DCLRE1C: variants seen among roughly 807,000 people sequenced by gnomAD.
DCLRE1C encodes protein artemis.
DCLRE1C carries 47 observed loss-of-function variants against 61.4 expected under a neutral mutation model. That is an observed-to-expected ratio of 0.77 (90% CI 0.61 to 0.98). The LOEUF (loss-of-function observed/expected upper bound fraction) is 0.98, where lower values mean the gene tolerates loss of function less well. DCLRE1C is among the 50% of genes least tolerant of loss of function. The probability of loss-of-function intolerance (pLI) is 0.00; values close to 1 mark genes in which losing one functional copy is unlikely to be tolerated. For synonymous variants in DCLRE1C, 337 were observed against 287.6 expected (o/e 1.17, Z -1.74); for missense variants, 858 against 816.0 (o/e 1.05, Z -0.63).
chr10:14,899,093 G>A, exon 14 of DCLRE1C: 1 of 623,082 alleles, frequency 1.6e-6, no homozygotes, highest in East Asian at 2.7e-5. Flanking sequence ...GTCAAGGCTG[G>A]AGGCTCACTT....
At chr10:14,933,547 G>T (rs1303033468) in intron 8 of DCLRE1C, among the ~76,000 whole-genome samples, 11 of 151,966 alleles carry the variant, frequency 7.2e-5, no homozygotes, top group Admixed American at 2.6e-4. Context: ...TGAGGCAAGA[G>T]AATCACTTGA....
chr10:14,948,960 GTATA>G lies in DCLRE1C; in HGVS notation c.161+72_161+75del, dbSNP rs1842074860. The G allele has an allele frequency of 1.0e-5, 10 of 993,056 alleles. 1 individual carries two copies. The South Asian group carries it at 1.3e-4, about 13-fold the overall frequency. The allele number at this position is 993,056 out of a possible 1,614,324, so 61.5% of individuals were successfully genotyped here. On this transcript the variant is annotated intron_variant, in intron 2 of 13. Coordinates refer to ENST00000378278, the MANE Select transcript of DCLRE1C (RefSeq NM_001033855.3). ...TTTGTAAATGACTATATGCTTGGATGTATATACTTTTCTGTACAGTTGTTATCTC... is the reference window on the plus strand; with the variant it reads ...TTTGTAAATGACTATATGCTTGGATGTACTTTTCTGTACAGTTGTTATCTC...
chr10:14,935,698 T>C, intron 5 of DCLRE1C, 134 bp from the exon 6 acceptor site: 1 of 923,594 alleles, frequency 1.1e-6, no homozygotes, highest in Non-Finnish European at 1.7e-6. Flanking sequence ...AATTCCACAG[T>C]AATTTGAACC....
chr10:14,937,893 C>CAAAAAAA (rs749452841), intron 4 of DCLRE1C, among the ~76,000 whole-genome samples: 1 of 40,630 alleles, frequency 2.5e-5, no homozygotes, highest in Non-Finnish European at 5.2e-5. Flanking sequence ...GGCTCAGTCT[C>CAAAAAAA]AAAAAAAAAA....
downstream of DCLRE1C, chr10:14,901,212 C>T (rs778103334): frequency 3.1e-6 from 5 of 1,613,898 alleles, no homozygotes; most frequent in African/African-American, 6.7e-5. Flanking sequence ...TTGTTTTCCA[C>T]AAGAACCATA....
At chr10:14,920,976 C>G (rs1434068256) in intron 12 of DCLRE1C, among the ~76,000 whole-genome samples, 3 of 149,216 alleles carry the variant, frequency 2.0e-5, no homozygotes, top group African/African-American at 7.4e-5. Context: ...GAGCCAGACT[C>G]TGTCTCAAAA....
chr10:14,901,000 C>T (rs146661614), downstream of DCLRE1C: 1,317 of 1,212,004 alleles, frequency 1.1e-3, 1 homozygote, highest in Non-Finnish European at 1.4e-3. Flanking sequence ...CCTCAAAGAC[C>T]TCTAAGCAAT....
chr10:14,944,369 G>C (rs558237525), intron 3 of DCLRE1C, among the ~76,000 whole-genome samples: 1 of 152,082 alleles, frequency 6.6e-6, no homozygotes, highest in South Asian at 2.1e-4. Flanking sequence ...TATGGTGGTG[G>C]GATTCTGTAG....
intron 13 of DCLRE1C, among the ~76,000 whole-genome samples, chr10:14,917,827 A>G (rs969671201): frequency 1.3e-5 from 2 of 152,092 alleles, no homozygotes. Flanking sequence ...AACAAAACAA[A>G]CCCAACAATT....
At chr10:14,924,654 C>T (rs1197352471) in intron 11 of DCLRE1C, among the ~76,000 whole-genome samples, 1 of 152,058 alleles carries the variant, frequency 6.6e-6, no homozygotes, top group Admixed American at 6.6e-5. Flanking sequence ...CGAGACCAAC[C>T]TGGCTAACAC....
intron 1 of DCLRE1C, among the ~76,000 whole-genome samples, 168 bp downstream of exon 1, chr10:14,953,734 G>C (rs939614589): frequency 1.3e-5 from 2 of 152,194 alleles, no homozygotes; most frequent in Non-Finnish European, 2.9e-5. Context: ...TCCGAAAATA[G>C]ATGAAGCCTT....
intron 10 of DCLRE1C, 86 bp downstream of exon 10, chr10:14,927,930 C>A: frequency 3.2e-6 from 4 of 1,241,182 alleles, no homozygotes; most frequent in Non-Finnish European, 4.6e-6. Flanking sequence ...TATTCTTGGG[C>A]TTAGGCTAGA....
At chr10:14,939,035 T>G (rs1481801386) in intron 4 of DCLRE1C, among the ~76,000 whole-genome samples, 2 of 152,184 alleles carry the variant, frequency 1.3e-5, no homozygotes, top group Non-Finnish European at 2.9e-5. Flanking sequence ...GATTAGTTAT[T>G]GGGCATAGAA....
intron 4 of DCLRE1C, 103 bp downstream of exon 4, chr10:14,939,707 T>G: frequency 1.1e-6 from 1 of 920,332 alleles, no homozygotes; most frequent in Non-Finnish European, 1.7e-6. Flanking sequence ...ATTGAGGGTA[T>G]AGCTGAGGGG....
intron 1 of DCLRE1C, 140 bp from the exon 2 acceptor site, chr10:14,949,227 T>C (rs1249668672): frequency 3.0e-6 from 2 of 668,382 alleles, no homozygotes; most frequent in Non-Finnish European, 5.3e-6. Context: ...ACATGGGCTA[T>C]GAGCTCTTTC....
downstream of DCLRE1C, chr10:14,899,792 C>A: frequency 7.6e-7 from 1 of 1,310,046 alleles, no homozygotes; most frequent in Non-Finnish European, 1.0e-6. Flanking sequence ...TTTAACATTT[C>A]CAAAATATGT....
rs776924855 is a variant in DCLRE1C at position 14,934,556 on chromosome 10, A to G, written c.538-36T>C. On this transcript the variant is annotated intron_variant, in intron 7 of 13. Coordinates refer to ENST00000378278, the MANE Select transcript of DCLRE1C (RefSeq NM_001033855.3). ...TTTTAAAGAGACATTTAACAGGTGG[A>G]GAGCCGCACATAGCCTTTTCCTTCC... The G allele has an allele frequency of 6.2e-6, 10 of 1,613,980 alleles. 1 individual carries two copies. The Admixed American group carries it at 1.7e-4, about 27-fold the overall frequency.
chr10:14,931,933 C>A (rs1306797417), intron 9 of DCLRE1C, among the ~76,000 whole-genome samples: 1 of 152,172 alleles, frequency 6.6e-6, no homozygotes, highest in Non-Finnish European at 1.5e-5. Context: ...ACATAGGAGG[C>A]TGAGGCAGGA....
chr10:14,954,341 G>C, upstream of DCLRE1C: 3 of 428,596 alleles, frequency 7.0e-6, no homozygotes, highest in Non-Finnish European at 8.7e-6. Flanking sequence ...GTGCAGTCGC[G>C]GGAAGGGAAA....
Sources: gnomAD v4.1 joint callset for allele counts (sites outside exome capture counted in the v4.1 genomes callset) on GRCh38, gnomAD v4.1.1 for gene constraint, MANE v1.5 for transcripts, NCBI Gene and HGNC (gene_info 2026-07-23, HGNC 2026-07-21) for gene names.